SBF2: variants seen among roughly 807,000 people sequenced by gnomAD.
SBF2 encodes myotubularin-related protein 13.
In SBF2, 112 loss-of-function variants were observed where a neutral mutation model predicts 225.2. The ratio of observed to expected loss-of-function variants is 0.50; its 90% CI spans 0.43 to 0.58. SBF2 has a LOEUF of 0.58. Among genes scored for constraint, SBF2 ranks in the 20% least tolerant of loss-of-function variants. SBF2 has a pLI of 0.00. For missense variants in SBF2, 1,996 were observed against 2,206.2 expected (o/e 0.90, Z 1.91); for synonymous variants, 763 against 773.3 (o/e 0.99, Z 0.22).
chr11:9,865,719 C>CAA (rs1858158993), intron 17 of SBF2, among the ~76,000 whole-genome samples: 1 of 45,688 alleles, frequency 2.2e-5, no homozygotes. Flanking sequence ...AAAAAAAAGG[C>CAA]GGGAGGCGTT....
intron 19 of SBF2, among the ~76,000 whole-genome samples, chr11:9,855,531 A>C (rs1311568242): frequency 1.3e-5 from 2 of 152,200 alleles, no homozygotes; most frequent in Admixed American, 6.5e-5. Flanking sequence ...TAAGGATAGA[A>C]TTTCACTACT....
intron 1 of SBF2, among the ~76,000 whole-genome samples, chr11:10,205,251 T>A (rs1309104564): frequency 6.6e-6 from 1 of 152,044 alleles, no homozygotes; most frequent in Non-Finnish European, 1.5e-5. Context: ...CTAAAACCAC[T>A]GCATTTTACA....
At chr11:9,812,198 T>C (rs889856459) in intron 30 of SBF2, among the ~76,000 whole-genome samples, 2 of 152,154 alleles carry the variant, frequency 1.3e-5, no homozygotes, top group African/African-American at 4.8e-5. Context: ...ATCCTTACTG[T>C]ATTGACAACA....
intron 35 of SBF2, among the ~76,000 whole-genome samples, chr11:9,788,736 A>G (rs1019913298): frequency 9.3e-5 from 14 of 150,208 alleles, no homozygotes; most frequent in Admixed American, 2.0e-4. Context: ...CTGGGACTAC[A>G]GGCGCCCGCC....
chr11:9,871,117 C>T (rs1357001194), intron 17 of SBF2, among the ~76,000 whole-genome samples: 1 of 151,924 alleles, frequency 6.6e-6, no homozygotes, highest in Non-Finnish European at 1.5e-5. Context: ...GCACCAAAAG[C>T]AATTGCAACA....
At chr11:10,276,537 T>C (rs1198184769) in intron 1 of SBF2, among the ~76,000 whole-genome samples, 2 of 152,352 alleles carry the variant, frequency 1.3e-5, no homozygotes, top group East Asian at 1.9e-4. Flanking sequence ...CCACTACTCA[T>C]CTCCACCTCC....
chr11:10,106,585 C>T (rs892985872), intron 2 of SBF2, among the ~76,000 whole-genome samples: 1 of 149,774 alleles, frequency 6.7e-6, no homozygotes, highest in African/African-American at 2.5e-5. Context: ...GCCAAAATCG[C>T]ACCACTGCAC....
intron 1 of SBF2, among the ~76,000 whole-genome samples, chr11:10,259,520 T>C (rs1961224111): frequency 6.6e-6 from 1 of 152,222 alleles, no homozygotes; most frequent in Admixed American, 6.5e-5. Flanking sequence ...AAACATCTGA[T>C]AAATATTGCT....
intron 2 of SBF2, among the ~76,000 whole-genome samples, chr11:10,117,440 CAAAAA>C (rs57722094): frequency 2.4e-5 from 1 of 40,902 alleles, no homozygotes; most frequent in African/African-American, 8.0e-5. Flanking sequence ...GAATCCAACT[CAAAAA>C]AAAAAAAAAA....
chr11:9,831,008 A>AT (rs1220183476), intron 27 of SBF2, among the ~76,000 whole-genome samples: 3 of 151,596 alleles, frequency 2.0e-5, no homozygotes, highest in Non-Finnish European at 2.9e-5. Context: ...ATTTTATTTC[A>AT]TTTTTTTTGA....
chr11:9,909,319 T>TC (rs1862385061), intron 16 of SBF2, among the ~76,000 whole-genome samples: 1 of 95,462 alleles, frequency 1.0e-5, no homozygotes, highest in Non-Finnish European at 3.1e-5. Context: ...ACTTTCTCTC[T>TC]TTTTTTTTTC....
chr11:10,027,272 G>T (rs1949087243), intron 6 of SBF2, among the ~76,000 whole-genome samples: 1 of 152,010 alleles, frequency 6.6e-6, no homozygotes, highest in South Asian at 2.1e-4. Flanking sequence ...AAATGTAGCT[G>T]GAAAGAATTA....
At chr11:9,797,666 C>G (rs1564862409) in intron 32 of SBF2, among the ~76,000 whole-genome samples, 1 of 152,224 alleles carries the variant, frequency 6.6e-6, no homozygotes, top group Non-Finnish European at 1.5e-5. Flanking sequence ...TCATGCAATA[C>G]AAGCAACTAA....
At chr11:9,996,695 G>A (rs4601768) in intron 9 of SBF2, among the ~76,000 whole-genome samples, 10,945 of 152,080 alleles carry the variant, frequency 0.072, 447 homozygotes, top group Middle Eastern at 0.18. Context: ...TGCCAAACTC[G>A]CCTTCTTAAA....
chr11:10,171,895 T>G (rs1190054558), intron 2 of SBF2, among the ~76,000 whole-genome samples: 1 of 152,174 alleles, frequency 6.6e-6, no homozygotes, highest in Non-Finnish European at 1.5e-5. Context: ...CTCTGGGAAT[T>G]TATCCATTTC....
intron 1 of SBF2, among the ~76,000 whole-genome samples, chr11:10,273,702 T>C (rs1188678444): frequency 6.6e-6 from 1 of 152,244 alleles, no homozygotes; most frequent in Non-Finnish European, 1.5e-5. Context: ...CAGTTAGTGC[T>C]GTAGTTTAAG....
chr11:9,966,615 C>T (rs1866929725), intron 14 of SBF2, among the ~76,000 whole-genome samples: 3 of 152,020 alleles, frequency 2.0e-5, no homozygotes, highest in Non-Finnish European at 4.4e-5. Context: ...TAAAGGAAGA[C>T]AACTCACAGA....
At chr11:10,290,228 T>C (rs188667932) in intron 1 of SBF2, among the ~76,000 whole-genome samples, 3 of 152,160 alleles carry the variant, frequency 2.0e-5, no homozygotes, top group South Asian at 2.1e-4. Context: ...GGGGTGGAGC[T>C]TGTCATATTG....
chr11:10,000,651 G>A (rs1947916588), intron 8 of SBF2, among the ~76,000 whole-genome samples: 2 of 152,100 alleles, frequency 1.3e-5, no homozygotes, highest in Non-Finnish European at 2.9e-5. Context: ...TTTGTCATAT[G>A]TAAGATGAAT....
Sources: allele counts gnomAD v4.1 joint callset (sites outside exome capture counted in the v4.1 genomes callset), GRCh38; gene constraint gnomAD v4.1.1; transcripts MANE v1.5; gene names NCBI Gene and HGNC (gene_info 2026-07-23, HGNC 2026-07-21).